The following SYNJ1 variants were observed in gnomAD, a reference collection of about 807,000 sequenced individuals.
SYNJ1 encodes the protein polyphosphatidylinositol phosphatase SYNJ1.
In SYNJ1, 78 loss-of-function variants were observed where a neutral mutation model predicts 168.2. The ratio of observed to expected loss-of-function variants is 0.46; its 90% confidence interval spans 0.39 to 0.56. The LOEUF (loss-of-function observed/expected upper bound fraction) is 0.56. Ranked by LOEUF, SYNJ1 falls within the 20% of genes least tolerant of loss-of-function variation. The pLI, the probability that SYNJ1 is intolerant of heterozygous loss-of-function variation, is 0.00. For missense variants in SYNJ1, 1,303 were observed against 1,597.6 expected, an observed-to-expected ratio of 0.82 and a Z score of 3.14; for synonymous variants, 539 against 548.6, an observed-to-expected ratio of 0.98 and a Z score of 0.24.
intron 18 of SYNJ1, among the ~76,000 whole-genome samples, chr21:32,660,825 A>T (rs1417527520): frequency 6.6e-6 from 1 of 152,240 alleles, no homozygotes; most frequent in Non-Finnish European, 1.5e-5. Flanking sequence ...GAAAGGACAT[A>T]AAATATCAAC....
chr21:32,652,522 T>C (rs1468292509), intron 22 of SYNJ1, among the ~76,000 whole-genome samples: 1 of 152,226 alleles, frequency 6.6e-6, no homozygotes, highest in Non-Finnish European at 1.5e-5. Context: ...AAGAATTTTT[T>C]TTCTCCAAAG....
Position 32,656,678 on chromosome 21 carries a change from A to G in SYNJ1, c.2795+9T>C. 3 of 1,603,454 alleles carry G rather than the reference A, an allele frequency of 1.9e-6. No homozygotes were observed. Among genetic ancestry groups the G allele is most frequent in the Non-Finnish European group, 2.6e-6 (3 of 1,174,182 alleles). ...ATCACAAGCTACTTTTGCATAATAA[A>G]CATCTTACCTTATAAGTATAACTTC... On this transcript the variant is annotated intron_variant, in intron 21 of 32. Transcript: ENST00000674351.
intron 12 of SYNJ1, among the ~76,000 whole-genome samples, chr21:32,678,368 T>C (rs1295877289): frequency 1.3e-5 from 2 of 152,176 alleles, no homozygotes; most frequent in Admixed American, 6.5e-5. Context: ...TACTGCCTTG[T>C]ACAAAGTTAA....
chr21:32,651,793 A>G (rs2040278782), intron 22 of SYNJ1, among the ~76,000 whole-genome samples: 2 of 152,244 alleles, frequency 1.3e-5, no homozygotes, highest in African/African-American at 4.8e-5. Flanking sequence ...GAAATAATCT[A>G]GATGTCTATA....
intron 18 of SYNJ1, chr21:32,658,697 C>T (rs982704912): frequency 3.9e-5 from 6 of 152,390 alleles, no homozygotes; most frequent in African/African-American, 9.7e-5. Context: ...GTACAAAGTT[C>T]GCTCTTGCCG....
chr21:32,700,334 G>T (rs138560484), intron 3 of SYNJ1, among the ~76,000 whole-genome samples: 1 of 152,164 alleles, frequency 6.6e-6, no homozygotes, highest in Non-Finnish European at 1.5e-5. Context: ...AATTGTTCCT[G>T]AACTTATTCT....
chr21:32,664,847 G>C, intron 18 of SYNJ1, 66 bp downstream of exon 18: 1 of 1,399,656 alleles, frequency 7.1e-7, no homozygotes, highest in East Asian at 2.3e-5. Flanking sequence ...AAAACATCTT[G>C]ATTTAAAAAG....
Position 32,630,986 on chromosome 21 carries a change from T to C in SYNJ1, c.*819A>G. On this transcript the variant is annotated 3_prime_UTR_variant, in exon 33 of 33. Transcript: ENST00000674351. ...AAAGCAAGTACCCACTGTTTTCTATTGCATGGCGTTATCTTTCTGTAAAGT... is the reference window on the plus strand; with the variant it reads ...AAAGCAAGTACCCACTGTTTTCTATCGCATGGCGTTATCTTTCTGTAAAGT... 6.2e-7 allele frequency: 1 copy of C among 1,604,490 alleles called. No homozygotes were observed. The highest frequency in any genetic ancestry group is 8.5e-7 in the Non-Finnish European group (1 of 1,174,912).
intron 7 of SYNJ1, 108 bp downstream of exon 7, chr21:32,688,198 G>T: frequency 1.0e-6 from 1 of 995,494 alleles, no homozygotes; most frequent in Non-Finnish European, 1.5e-6. Context: ...TTAGGAGTCA[G>T]AGGAATTTTA....
chr21:32,724,643 T>C (rs599352), intron 2 of SYNJ1, among the ~76,000 whole-genome samples: 83,802 of 152,152 alleles, frequency 0.55, 23,703 homozygotes, highest in African/African-American at 0.68. Context: ...CTGAATACAA[T>C]AGGCATTTTT....
At chr21:32,721,114 A>G (rs2043204321) in intron 2 of SYNJ1, among the ~76,000 whole-genome samples, 1 of 152,224 alleles carries the variant, frequency 6.6e-6, no homozygotes, top group South Asian at 2.1e-4. Flanking sequence ...TAACTTGCTA[A>G]CCATCACACA....
At chr21:32,710,391 G>A (rs1156298418) in intron 2 of SYNJ1, among the ~76,000 whole-genome samples, 1 of 152,140 alleles carries the variant, frequency 6.6e-6, no homozygotes, top group African/African-American at 2.4e-5. Context: ...GATAAATTCA[G>A]AAAGGAGAGA....
intron 23 of SYNJ1, among the ~76,000 whole-genome samples, chr21:32,647,751 G>A (rs1451598946): frequency 6.6e-6 from 1 of 152,112 alleles, no homozygotes; most frequent in African/African-American, 2.4e-5. Flanking sequence ...TAATCTTTCT[G>A]TGATAACACT....
intron 11 of SYNJ1, 144 bp downstream of exon 11, chr21:32,681,352 G>C: frequency 1.1e-6 from 1 of 889,742 alleles, no homozygotes; most frequent in African/African-American, 1.7e-5. Context: ...AAGTATCAAA[G>C]AAGGCATAAA....
chr21:32,711,407 A>G (rs2042824205), intron 2 of SYNJ1, among the ~76,000 whole-genome samples: 1 of 150,686 alleles, frequency 6.6e-6, no homozygotes, highest in African/African-American at 2.4e-5. Flanking sequence ...ATCTTGGCTC[A>G]CTGCAACCTC....
intron 18 of SYNJ1, among the ~76,000 whole-genome samples, chr21:32,662,438 A>C (rs2040750169): frequency 6.6e-6 from 1 of 152,206 alleles, no homozygotes. Flanking sequence ...AATGACACTC[A>C]GTACGAGGTA....
intron 2 of SYNJ1, among the ~76,000 whole-genome samples, chr21:32,702,334 A>T (rs1471846469): frequency 6.6e-6 from 1 of 152,218 alleles, no homozygotes; most frequent in Non-Finnish European, 1.5e-5. Context: ...CTGACAAAAC[A>T]TTTAAATGAT....
rs1465765698 is a variant in SYNJ1 at position 32,682,230 on chromosome 21, G to A, written c.1201-582C>T. On this transcript the variant is annotated intron_variant, in intron 10 of 32. Coordinates refer to ENST00000674351, the MANE Select transcript of SYNJ1 (RefSeq NM_203446.3). ...CATGCAAGAAATTCAAGGACCTCTC[G>A]GCTTCCACAAGTCCTTATCACATAT... Among the ~76,000 whole-genome samples, 3 of 152,114 alleles carry A rather than the reference G, an allele frequency of 2.0e-5. No homozygotes were observed. In the East Asian group the frequency reaches 5.8e-4, roughly 29 times the overall value.
intron 14 of SYNJ1, chr21:32,670,742 T>C: frequency 1.1e-6 from 1 of 939,010 alleles, no homozygotes; most frequent in Non-Finnish European, 1.3e-6. Flanking sequence ...AAGAATAAAG[T>C]GACTGAGAAA....
Sources: allele counts gnomAD v4.1 joint callset (sites outside exome capture counted in the v4.1 genomes callset), GRCh38; gene constraint gnomAD v4.1.1; transcripts MANE v1.5; gene names NCBI Gene and HGNC (gene_info 2026-07-23, HGNC 2026-07-21).